SLC25A10: variants seen among roughly 807,000 people sequenced by gnomAD.
SLC25A10 encodes mitochondrial dicarboxylate carrier.
Under a neutral mutation model 40.4 loss-of-function variants are expected in SLC25A10, and 32 were observed. The ratio of observed to expected loss-of-function variants is 0.79; its 90% confidence interval spans 0.60 to 1.06. The LOEUF is 1.06. SLC25A10 is among the 50% of genes least tolerant of loss of function. The pLI is 0.00. For synonymous variants in SLC25A10, 181 were observed against 171.1 expected, an observed-to-expected ratio of 1.06 and a Z score of -0.45; for missense variants, 394 against 402.6, an observed-to-expected ratio of 0.98 and a Z score of 0.18.
In SLC25A10 at chr17:81,714,942, C is replaced by T. The variant is rs2037453431; in HGVS notation, c.94-11C>T. On this transcript the variant is annotated splice_polypyrimidine_tract_variant and intron_variant, in intron 1 of 10. Transcript: ENST00000350690. The stretch of plus-strand genomic sequence containing the variant: ...GGTCGCTGTGGGGTCTGAGAGCACT[C>T]ACTCCCGCAGGTGCATCTGCAGACG... The T allele has an allele frequency of 1.2e-6, 2 of 1,606,220 alleles. No individual in the cohort carries two copies. Among genetic ancestry groups the T allele is most frequent in the Non-Finnish European group, 8.5e-7 (1 of 1,179,734 alleles).
chr17:81,713,422 T>C, intron 1 of SLC25A10: 2 of 985,228 alleles, frequency 2.0e-6, no homozygotes, highest in Non-Finnish European at 2.4e-6. Flanking sequence ...TTTAGCAGCC[T>C]GTCCAGGGGA....
chr17:81,712,318 C>A lies in SLC25A10; in HGVS notation c.-109C>A. 1.4e-6 allele frequency: 1 copy of A among 702,014 alleles called. No homozygotes were observed. Among genetic ancestry groups the A allele is most frequent in the Non-Finnish European group, 1.9e-6 (1 of 532,624 alleles). 43.5% of individuals were successfully genotyped at this position (702,014 alleles called of 1,614,324 possible). A position where few individuals can be genotyped will look rare whatever the true frequency, so the allele number is the denominator to read the frequency against. On this transcript the variant is annotated 5_prime_UTR_variant, in exon 1 of 11. Coordinates refer to ENST00000350690, the MANE Select transcript of SLC25A10 (RefSeq NM_012140.5). ...GTGCGGGGTGCGGGCGCGCGGGCGG[C>A]GCTTTGAACCGGGCGCGGGGCGCGG... is the stretch of plus-strand genomic sequence containing the variant.
Position 81,718,704 on chromosome 17 carries a change from C to T in SLC25A10, c.705+843C>T, listed in dbSNP as rs1030253429. ...GTGGCTCACGCCTGTAATCCCAACA[C>T]TTTGGGAGGCCAAGGCGGGCAGATC... On this transcript the variant is annotated intron_variant, in intron 9 of 10. Transcript: ENST00000350690. Among the ~76,000 whole-genome samples, 4 of 151,130 alleles carry T rather than the reference C, an allele frequency of 2.6e-5. No homozygotes were observed. In the East Asian group the frequency reaches 8.0e-4, roughly 30 times the overall value.
rs115547801 is a variant in SLC25A10, at chr17:81,713,988, G to A, written c.94-965G>A. On this transcript the variant is annotated intron_variant, in intron 1 of 10. Transcript: ENST00000350690. ...GGAAAGATCTTTTAAAGCTTCTTGA[G>A]CACTTTGTCCCATGTCCCTACAGTC... Among the ~76,000 whole-genome samples the A allele has an allele frequency of 6.6e-3, 1,013 of 152,350 alleles. 11 individuals carry two copies. The highest frequency in any genetic ancestry group is 0.023 in the African/African-American group (967 of 41,582).
Position 81,719,888 on chromosome 17 carries a change from G to A in SLC25A10, c.762+1G>A. The A allele has an allele frequency of 6.2e-7, 1 of 1,613,860 alleles. No homozygotes were observed. The highest frequency in any genetic ancestry group is 8.5e-7 in the Non-Finnish European group (1 of 1,180,002). On this transcript the variant is annotated splice_donor_variant, in intron 10 of 10. Coordinates refer to ENST00000350690, the MANE Select transcript of SLC25A10 (RefSeq NM_012140.5). LOFTEE classifies it high-confidence loss of function. ...GCTCGGGCCTCTGGCCTTTTACAAG[G>A]TGCAGTGGTGGCGGCAGTGGCGGCT...
At chr17:81,718,051 GAGA>G (rs2037521486) in intron 9 of SLC25A10, among the ~76,000 whole-genome samples, 190 bp downstream of exon 9, 1 of 152,142 alleles carries the variant, frequency 6.6e-6, no homozygotes, top group Non-Finnish European at 1.5e-5. Context: ...TTTGTTTTTA[GAGA>G]AGACTTCTTG....
rs144395868 is a variant in SLC25A10, at chr17:81,715,585, C to T, written c.321C>T (p.Ser107=). ...TCCACGAGAAGGTGTTGCTGGGCTC[C>T]GTCAGCGGTGAGCTGCCGGGCGGGA... is the stretch of plus-strand genomic sequence containing the variant. ...LPFHEKVLLG[S]VSGLAGGFVG... Residue 107 remains serine, a synonymous_variant, in exon 3 of 11, where the codon TCC becomes TCT. Coordinates refer to ENST00000350690, the MANE Select transcript of SLC25A10 (RefSeq NM_012140.5). 120 of 1,612,396 alleles carry T rather than the reference C, an allele frequency of 7.4e-5. No individual in the cohort carries two copies. Among genetic ancestry groups the T allele is most frequent in the African/African-American group, 1.7e-4 (13 of 74,914 alleles).
At chr17:81,716,679 A>G in intron 5 of SLC25A10, 133 bp from the exon 6 acceptor site, 2 of 865,554 alleles carry the variant, frequency 2.3e-6, no homozygotes, top group South Asian at 3.2e-5. Flanking sequence ...TCATGTTCCC[A>G]GGGAGAGATC....
Position 81,720,058 on chromosome 17 carries a change from G to T in SLC25A10, c.845G>T (p.Gly282Val), listed in dbSNP as rs146120502. The part of the protein sequence containing the change: ...VFLEQLRKNF[G>V]IKVPS Reference sequence around the variant, plus strand: ...CTGGAACAGCTACGCAAAAACTTTGGCATCAAAGTGCCATCCTGACCAGCC... The same window carrying T: ...CTGGAACAGCTACGCAAAAACTTTGTCATCAAAGTGCCATCCTGACCAGCC... The change falls in exon 11 of 11, where the codon GGC becomes GTC. Residue 282 changes from glycine to valine, a missense_variant. Transcript: ENST00000350690. 3 of 1,613,252 alleles carry T rather than the reference G, an allele frequency of 1.9e-6. No homozygotes were observed. The highest frequency in any genetic ancestry group is 2.5e-6 in the Non-Finnish European group (3 of 1,180,014).
chr17:81,715,975 CG>C, intron 4 of SLC25A10, 33 bp from the exon 5 acceptor site: 1 of 1,534,940 alleles, frequency 6.5e-7, no homozygotes, highest in Non-Finnish European at 8.8e-7. Flanking sequence ...CCCCTCGGCC[CG>C]CCCGCCCCTC....
At chr17:81,716,942 G>C in intron 6 of SLC25A10, 60 bp from the exon 7 acceptor site, 2 of 1,356,896 alleles carry the variant, frequency 1.5e-6, no homozygotes, top group Non-Finnish European at 2.1e-6. Flanking sequence ...TGAGGGATTT[G>C]GGCCAGGTGC....
intron 9 of SLC25A10, among the ~76,000 whole-genome samples, chr17:81,718,583 A>T (rs1175280060): frequency 6.6e-6 from 1 of 152,138 alleles, no homozygotes; most frequent in Non-Finnish European, 1.5e-5. Context: ...TGAGCCCAGG[A>T]TGTCCAGGCC....
intron 8 of SLC25A10, 120 bp downstream of exon 8, chr17:81,717,611 G>A: frequency 1.5e-6 from 2 of 1,330,474 alleles, no homozygotes; most frequent in Non-Finnish European, 2.1e-6. Flanking sequence ...GTGCCCCCTG[G>A]GGCTCATAAG....
In SLC25A10 at chr17:81,717,783, G is replaced by A; in HGVS notation, c.628-1G>A. 6.2e-7 allele frequency: 1 copy of A among 1,611,328 alleles called. No individual in the cohort carries two copies. The highest frequency in any genetic ancestry group is 8.5e-7 in the Non-Finnish European group (1 of 1,179,518). On this transcript the variant is annotated splice_acceptor_variant, in intron 8 of 10. Coordinates refer to ENST00000350690, the MANE Select transcript of SLC25A10 (RefSeq NM_012140.5). LOFTEE classifies it high-confidence loss of function. ...CCGCTGGTGACGAGCCCCCTCCTCAGGGTGGATGTGCCACGTTCCTGTGCC... is the reference window on the plus strand; with the variant it reads ...CCGCTGGTGACGAGCCCCCTCCTCAAGGTGGATGTGCCACGTTCCTGTGCC...
chr17:81,717,815 T>C lies in SLC25A10; in HGVS notation c.659T>C (p.Leu220Pro). 1.9e-6 allele frequency: 3 copies of C among 1,612,092 alleles called. No individual in the cohort carries two copies. The highest frequency in any genetic ancestry group is 2.5e-6 in the Non-Finnish European group (3 of 1,179,694). The change falls in exon 9 of 11, where the codon CTG becomes CCG. Residue 220 changes from leucine (L) to proline (P), a missense_variant. Physicochemically the swap from Leu to Pro is moderately conservative, Grantham distance 98 (BLOSUM62 -3). Transcript: ENST00000350690. ...GGCATFLCQP[L>P]DVLKTRLMNS... ...TGTGCCACGTTCCTGTGCCAGCCCCTGGATGTGCTGAAGACTCGCCTGATG... is the reference window on the plus strand; with the variant it reads ...TGTGCCACGTTCCTGTGCCAGCCCCCGGATGTGCTGAAGACTCGCCTGATG...
chr17:81,715,957 T>TGCCCATGCCC (rs1194222924), intron 4 of SLC25A10, 52 bp from the exon 5 acceptor site: 2 of 1,542,336 alleles, frequency 1.3e-6, no homozygotes, highest in Non-Finnish European at 1.8e-6. Flanking sequence ...CTGCCAGGGC[T>TGCCCATGCCC]GCCCATGCCC....
At chr17:81,715,417 G>A in intron 2 of SLC25A10, 61 bp from the exon 3 acceptor site, 1 of 1,433,462 alleles carries the variant, frequency 7.0e-7, no homozygotes, top group East Asian at 2.3e-5. Context: ...GCTGGGCCGG[G>A]TGGCGAGGCT....
chr17:81,717,068 G>T lies in SLC25A10; in HGVS notation c.530G>T (p.Gly177Val). ...AGCCGAGGGGCCTTAGTCACTGTGGGCCAGGTAGGCCTCCTGCGTGGGGTG... is the reference window on the plus strand; with the variant it reads ...AGCCGAGGGGCCTTAGTCACTGTGGTCCAGGTAGGCCTCCTGCGTGGGGTG... ...ASSRGALVTV[G>V]QLSCYDQAKQ... Residue 177 changes from glycine to valine, a missense_variant, in exon 7 of 11, where the codon GGC becomes GTC. Physicochemically the swap from Gly to Val is moderately radical, Grantham distance 109. Transcript: ENST00000350690. The T allele has an allele frequency of 1.9e-6, 3 of 1,613,690 alleles. No homozygotes were observed. Among genetic ancestry groups the T allele is most frequent in the Non-Finnish European group, 2.5e-6 (3 of 1,179,944 alleles).
chr17:81,718,088 G>T (rs768833564), intron 9 of SLC25A10, among the ~76,000 whole-genome samples: 1 of 152,178 alleles, frequency 6.6e-6, no homozygotes, highest in African/African-American at 2.4e-5. Flanking sequence ...GCTCATGCCT[G>T]TAACCCCAGC....
Sources: allele counts gnomAD v4.1 joint callset (sites outside exome capture counted in the v4.1 genomes callset), GRCh38; gene constraint gnomAD v4.1.1; transcripts MANE v1.5; gene names NCBI Gene and HGNC (gene_info 2026-07-23, HGNC 2026-07-21).